The following ATG10 variants were observed in gnomAD, a reference collection of about 807,000 sequenced individuals.
ATG10 encodes the protein autophagy related 10, also known as ubiquitin-like-conjugating enzyme ATG10.
Under a neutral mutation model 32.1 loss-of-function variants are expected in ATG10, and 30 were observed. The ratio of observed to expected loss-of-function variants is 0.94; its 90% confidence interval spans 0.70 to 1.27. The LOEUF (loss-of-function observed/expected upper bound fraction) is 1.27. ATG10 is among the 50% of genes most tolerant of loss of function. The pLI is 0.00. For synonymous variants in ATG10, 87 were observed against 91.5 expected (o/e 0.95, Z 0.28); for missense variants, 233 against 262.3 (o/e 0.89, Z 0.77).
intron 2 of ATG10, among the ~76,000 whole-genome samples, chr5:81,997,415 G>A (rs1318734237): frequency 6.6e-6 from 1 of 152,192 alleles, no homozygotes; most frequent in African/African-American, 2.4e-5. Context: ...CTTCCAGATT[G>A]AAGGAACATC....
chr5:82,184,923 C>A (rs1435377367), intron 5 of ATG10, among the ~76,000 whole-genome samples: 1 of 152,170 alleles, frequency 6.6e-6, no homozygotes, highest in African/African-American at 2.4e-5. Flanking sequence ...TCCTTCTATG[C>A]TCAGAAAAGT....
chr5:82,089,476 T>C (rs895725701), intron 3 of ATG10, among the ~76,000 whole-genome samples: 4 of 152,178 alleles, frequency 2.6e-5, no homozygotes, highest in African/African-American at 4.8e-5. Flanking sequence ...AACAATTTAA[T>C]TGTGAAAAGA....
chr5:82,129,353 A>C (rs1766417835), intron 3 of ATG10, among the ~76,000 whole-genome samples: 1 of 152,028 alleles, frequency 6.6e-6, no homozygotes, highest in South Asian at 2.1e-4. Flanking sequence ...TCAATTCATC[A>C]AACTCATTCC....
At chr5:82,161,909 T>C (rs1214335289) in intron 3 of ATG10, among the ~76,000 whole-genome samples, 1 of 152,050 alleles carries the variant, frequency 6.6e-6, no homozygotes, top group Non-Finnish European at 1.5e-5. Context: ...TTTGTAAGAC[T>C]GAGGTGGGGT....
chr5:81,992,799 G>A (rs1338366793), intron 2 of ATG10, among the ~76,000 whole-genome samples: 1 of 152,060 alleles, frequency 6.6e-6, no homozygotes, highest in Non-Finnish European at 1.5e-5. Flanking sequence ...TTACTTTTCA[G>A]GCAAAGTTGA....
In ATG10 at chr5:82,252,545, A is replaced by G; in HGVS notation, c.454-17A>G. The stretch of plus-strand genomic sequence containing the variant: ...AAGTAACTCACACTGATCCTGGACC[A>G]ATTCTGATTCTTACAGGAACATCCA... On this transcript the variant is annotated splice_polypyrimidine_tract_variant and intron_variant, in intron 5 of 7. Transcript: ENST00000282185. 2 of 1,516,006 alleles carry G rather than the reference A, an allele frequency of 1.3e-6. No individual in the cohort carries two copies. The highest frequency in any genetic ancestry group is 9.1e-7 in the Non-Finnish European group (1 of 1,094,106). The allele number at this position is 1,516,006 out of a possible 1,614,324, so 93.9% of individuals were successfully genotyped here. A position where few individuals can be genotyped will look rare whatever the true frequency, so the allele number is the denominator to read the frequency against.
At chr5:82,085,308 A>C (rs1302850919) in intron 3 of ATG10, among the ~76,000 whole-genome samples, 3 of 152,134 alleles carry the variant, frequency 2.0e-5, no homozygotes, top group East Asian at 1.9e-4. Flanking sequence ...TGCACCCAAT[A>C]CAGGAGCACC....
In ATG10 at chr5:82,084,642, A is replaced by G. The variant is rs181930553; in HGVS notation, c.216+26040A>G. Reference sequence around the variant, plus strand: ...GACTAACAGCGGATCTCTCGGCAGAAACTCTACAAGCCAGAAGAGAGTGGG... The same window carrying G: ...GACTAACAGCGGATCTCTCGGCAGAGACTCTACAAGCCAGAAGAGAGTGGG... On this transcript the variant is annotated intron_variant, in intron 3 of 7. Transcript: ENST00000282185. Among the ~76,000 whole-genome samples, 623 of 152,360 alleles carry G rather than the reference A, an allele frequency of 4.1e-3. 3 individuals are homozygous for G. The highest frequency in any genetic ancestry group is 0.014 in the African/African-American group (590 of 41,586).
At chr5:82,243,063 A>G (rs147973073) in intron 5 of ATG10, among the ~76,000 whole-genome samples, 206 of 152,254 alleles carry the variant, frequency 1.4e-3, no homozygotes, top group Non-Finnish European at 2.4e-3. Flanking sequence ...TGGGAAAAAG[A>G]TAAAGATACA....
chr5:82,035,813 T>C (rs1269695963), intron 2 of ATG10, among the ~76,000 whole-genome samples: 1 of 149,190 alleles, frequency 6.7e-6, no homozygotes. Flanking sequence ...AAATATATTA[T>C]TATAGTATTC....
intron 3 of ATG10, among the ~76,000 whole-genome samples, chr5:82,064,522 AT>A (rs1328740834): frequency 6.6e-5 from 10 of 151,844 alleles, no homozygotes; most frequent in Non-Finnish European, 1.2e-4. Context: ...TATTAGATTA[AT>A]TTTTTTTATC....
At chr5:82,153,695 T>TTCATAGA (rs1299222984) in intron 3 of ATG10, among the ~76,000 whole-genome samples, 37 of 152,228 alleles carry the variant, frequency 2.4e-4, no homozygotes, top group East Asian at 2.1e-3. Flanking sequence ...ACAAACAAAA[T>TTCATAGA]TCATAGATTT....
intron 2 of ATG10, among the ~76,000 whole-genome samples, chr5:82,012,738 C>G (rs144358810): frequency 0.03 from 4,580 of 152,182 alleles, 99 homozygotes; most frequent in Middle Eastern, 0.051. Flanking sequence ...TCATTGCAAC[C>G]TCCACCTCCG....
chr5:82,163,596 A>G (rs923614458), intron 3 of ATG10, among the ~76,000 whole-genome samples: 23 of 152,218 alleles, frequency 1.5e-4, no homozygotes, highest in Non-Finnish European at 7.3e-5. Context: ...GAAATTCTTC[A>G]ACCCCAATAA....
intron 3 of ATG10, among the ~76,000 whole-genome samples, chr5:82,158,505 A>T (rs142834682): frequency 1.3e-5 from 2 of 152,132 alleles, no homozygotes; most frequent in Non-Finnish European, 2.9e-5. Context: ...AGCTGTTTAC[A>T]TAGCATTTAC....
At chr5:82,141,897 ATCT>A (rs1233990187) in intron 3 of ATG10, among the ~76,000 whole-genome samples, 1 of 151,990 alleles carries the variant, frequency 6.6e-6, no homozygotes, top group Non-Finnish European at 1.5e-5. Flanking sequence ...CCCTCATATC[ATCT>A]TCTCAACATG....
Position 82,037,234 on chromosome 5 carries a change from CTTTTTTTTTTTTTTTTTT to C in ATG10, c.109-21247_109-21230del, listed in dbSNP as rs1166784267. ...ACTTTTTGTAATAAGATCTCATTTA[CTTTTTTTTTTTTTTTTTT>C]TTTTTTTTTTTTTGAGACGGAGTCT... On this transcript the variant is annotated intron_variant, in intron 2 of 7. Transcript: ENST00000282185. Among the ~76,000 whole-genome samples, 9 of 36,930 alleles carry C rather than the reference CTTTTTTTTTTTTTTTTTT, an allele frequency of 2.4e-4. 1 individual carries two copies. The Admixed American group carries it at 3.6e-3, about 15-fold the overall frequency. 24.2% of individuals were successfully genotyped at this position (36,930 alleles called of 152,430 possible).
intron 5 of ATG10, among the ~76,000 whole-genome samples, chr5:82,185,077 T>A (rs1333659430): frequency 6.6e-6 from 1 of 152,250 alleles, no homozygotes; most frequent in Non-Finnish European, 1.5e-5. Flanking sequence ...TTGTGTTGTG[T>A]TATTTTGTAC....
At chr5:82,072,334 C>T (rs560928076) in intron 3 of ATG10, among the ~76,000 whole-genome samples, 2 of 152,186 alleles carry the variant, frequency 1.3e-5, no homozygotes, top group Admixed American at 1.3e-4. Context: ...TTGGTAGCTA[C>T]GGGTGACAGC....
Sources: gnomAD v4.1 joint callset for allele counts (sites outside exome capture counted in the v4.1 genomes callset) on GRCh38, gnomAD v4.1.1 for gene constraint, MANE v1.5 for transcripts, NCBI Gene and HGNC (gene_info 2026-07-23, HGNC 2026-07-21) for gene names.